The following CHODL variants were observed in gnomAD, a reference collection of about 807,000 sequenced individuals.
CHODL encodes the protein chondrolectin.
CHODL carries 29 observed loss-of-function variants against 34.5 expected under a neutral mutation model. That is an observed-to-expected ratio of 0.84 (90% CI 0.63 to 1.15). CHODL has a LOEUF of 1.15. Among genes scored for constraint, CHODL ranks in the 50% most tolerant of loss-of-function variants. The pLI is 0.00. For missense variants in CHODL, 332 were observed against 332.5 expected (o/e 1.00, Z 0.01); for synonymous variants, 125 against 116.1 (o/e 1.08, Z -0.49).
At chr21:18,143,492 A>AT (rs200707740) in intron 2 of CHODL, among the ~76,000 whole-genome samples, 1 of 152,050 alleles carries the variant, frequency 6.6e-6, no homozygotes, top group East Asian at 1.9e-4. Flanking sequence ...GTGTTTAAAA[A>AT]GTTTTTGTAT....
At chr21:18,182,061 T>C (rs2073388240) in intron 2 of CHODL, among the ~76,000 whole-genome samples, 1 of 152,200 alleles carries the variant, frequency 6.6e-6, no homozygotes, top group African/African-American at 2.4e-5. Flanking sequence ...AAATATGTTT[T>C]CAATCCTTTT....
chr21:18,193,275 G>C (rs2073533173), intron 2 of CHODL, among the ~76,000 whole-genome samples: 1 of 152,030 alleles, frequency 6.6e-6, no homozygotes, highest in African/African-American at 2.4e-5. Flanking sequence ...ATTTATGTAG[G>C]GGTTCCCTGA....
At chr21:18,170,602 T>C (rs1456314865) in intron 2 of CHODL, among the ~76,000 whole-genome samples, 1 of 152,198 alleles carries the variant, frequency 6.6e-6, no homozygotes, top group South Asian at 2.1e-4. Flanking sequence ...ACAATTAACG[T>C]CTTAATTTAT....
chr21:18,050,602 C>T (rs1356241768), intron 2 of CHODL, among the ~76,000 whole-genome samples: 2 of 151,858 alleles, frequency 1.3e-5, no homozygotes, highest in Non-Finnish European at 2.9e-5. Context: ...ATGTGCAGAG[C>T]AAGGAGAGAA....
At chr21:18,009,711 A>T (rs2063993977) in intron 1 of CHODL, among the ~76,000 whole-genome samples, 1 of 151,772 alleles carries the variant, frequency 6.6e-6, no homozygotes, top group African/African-American at 2.4e-5. Context: ...ACATGGTGAA[A>T]CCCCGTCTCT....
chr21:18,215,199 G>GAA (rs76175429), intron 2 of CHODL, among the ~76,000 whole-genome samples: 7,828 of 138,940 alleles, frequency 0.056, 247 homozygotes, highest in Non-Finnish European at 0.066. Flanking sequence ...TCTCAAACAT[G>GAA]AAAAAAAAAA....
chr21:17,992,189 G>GT (rs532294451), intron 1 of CHODL, among the ~76,000 whole-genome samples: 97 of 152,138 alleles, frequency 6.4e-4, no homozygotes, highest in African/African-American at 2.1e-3. Context: ...CTATATGTCT[G>GT]TTTTTTATAC....
At chr21:17,944,959 C>G (rs1259347118) in intron 1 of CHODL, among the ~76,000 whole-genome samples, 1 of 152,162 alleles carries the variant, frequency 6.6e-6, no homozygotes, top group Non-Finnish European at 1.5e-5. Flanking sequence ...GCCTGGAATC[C>G]CAGCACTTTG....
intron 2 of CHODL, among the ~76,000 whole-genome samples, chr21:18,074,845 G>A: frequency 1.3e-5 from 2 of 152,120 alleles, no homozygotes; most frequent in East Asian, 3.9e-4. Context: ...AGAAGAAAAG[G>A]AGAGAGATTT....
intron 1 of CHODL, among the ~76,000 whole-genome samples, chr21:17,979,806 C>A (rs1190526955): frequency 6.6e-6 from 1 of 152,168 alleles, no homozygotes; most frequent in Non-Finnish European, 1.5e-5. Context: ...GCAGTTGTAT[C>A]TTCAAATTAA....
intron 1 of CHODL, among the ~76,000 whole-genome samples, chr21:18,012,476 C>A (rs1364310795): frequency 6.6e-6 from 1 of 152,148 alleles, no homozygotes; most frequent in African/African-American, 2.4e-5. Context: ...TAAAGCACTC[C>A]AAATTGCTAC....
intron 2 of CHODL, among the ~76,000 whole-genome samples, chr21:18,237,606 G>A (rs568994126): frequency 3.3e-5 from 5 of 152,178 alleles, no homozygotes; most frequent in East Asian, 1.9e-4. Flanking sequence ...TCTTCTCTCC[G>A]ACCCTTGTCA....
chr21:18,152,812 C>T (rs927363267), intron 2 of CHODL, among the ~76,000 whole-genome samples: 3 of 152,152 alleles, frequency 2.0e-5, no homozygotes, highest in Admixed American at 1.3e-4. Context: ...AGAATTCTGC[C>T]CACTATATGA....
intron 2 of CHODL, among the ~76,000 whole-genome samples, chr21:18,060,492 A>G (rs1243442031): frequency 6.6e-6 from 1 of 151,812 alleles, no homozygotes; most frequent in Non-Finnish European, 1.5e-5. Context: ...CAAACTCCTC[A>G]AATACCTTAA....
At chr21:18,061,823 G>C (rs2064670407) in intron 2 of CHODL, among the ~76,000 whole-genome samples, 1 of 152,158 alleles carries the variant, frequency 6.6e-6, no homozygotes, top group South Asian at 2.1e-4. Flanking sequence ...GTTTAAACTT[G>C]ACACAACTTG....
At chr21:18,048,239 A>G (rs892119445) in intron 2 of CHODL, among the ~76,000 whole-genome samples, 1 of 151,938 alleles carries the variant, frequency 6.6e-6, no homozygotes, top group Non-Finnish European at 1.5e-5. Flanking sequence ...TGTTTCCCTA[A>G]AACTTAAAGT....
chr21:18,106,696 C>T (rs993498689), intron 2 of CHODL, among the ~76,000 whole-genome samples: 8 of 151,940 alleles, frequency 5.3e-5, no homozygotes, highest in South Asian at 2.1e-4. Context: ...GCGGTTTCAC[C>T]ATGTTAGCCA....
intron 2 of CHODL, among the ~76,000 whole-genome samples, chr21:18,197,417 C>A (rs2073602106): frequency 6.6e-6 from 1 of 152,122 alleles, no homozygotes; most frequent in South Asian, 2.1e-4. Flanking sequence ...TCGAGACCAA[C>A]CTGGCCAACA....
intron 1 of CHODL, among the ~76,000 whole-genome samples, chr21:18,255,803 C>T (rs79237593): frequency 0.02 from 3,019 of 152,114 alleles, 45 homozygotes; most frequent in Middle Eastern, 0.044. Context: ...TGAGAGAAGA[C>T]ATTGGCCTAG....
Sources: gnomAD v4.1 joint callset for allele counts (sites outside exome capture counted in the v4.1 genomes callset) on GRCh38, gnomAD v4.1.1 for gene constraint, MANE v1.5 for transcripts, NCBI Gene and HGNC (gene_info 2026-07-23, HGNC 2026-07-21) for gene names.